HIPK2: variants seen among roughly 807,000 people sequenced by gnomAD.
The protein encoded by HIPK2 is homeodomain-interacting protein kinase 2.
HIPK2 carries 27 observed loss-of-function variants against 113.7 expected under a neutral mutation model. The observed-to-expected ratio is 0.24, with a 90% CI of 0.17 to 0.33. The LOEUF (loss-of-function observed/expected upper bound fraction) is 0.33. Among genes scored for constraint, HIPK2 ranks in the 10% least tolerant of loss-of-function variants. HIPK2 has a pLI of 1.00. For synonymous variants in HIPK2, 631 were observed against 642.2 expected, an observed-to-expected ratio of 0.98 and a Z score of 0.26; for missense variants, 1,257 against 1,588.0, an observed-to-expected ratio of 0.79 and a Z score of 3.54.
intron 10 of HIPK2, 97 bp from the exon 11 acceptor site, chr7:139,600,693 C>A: frequency 5.1e-6 from 7 of 1,371,980 alleles, no homozygotes; most frequent in Non-Finnish European, 7.0e-6. Flanking sequence ...ACGCTGACTG[C>A]AGTTGGTTAT....
At chr7:139,758,767 T>A (rs931745533) in intron 1 of HIPK2, among the ~76,000 whole-genome samples, 2 of 151,576 alleles carry the variant, frequency 1.3e-5, no homozygotes, top group Non-Finnish European at 2.9e-5. Context: ...CATGGAAAAA[T>A]TGTCTTCCAC....
intron 5 of HIPK2, among the ~76,000 whole-genome samples, chr7:139,627,298 C>CTATGTATG (rs34240424): frequency 0.1 from 15,409 of 148,412 alleles, 879 homozygotes; most frequent in African/African-American, 0.12. Flanking sequence ...ACAAAAAAGT[C>CTATGTATG]TATGTATGTA....
chr7:139,675,284 A>T (rs1454384929), intron 2 of HIPK2, among the ~76,000 whole-genome samples: 1 of 152,212 alleles, frequency 6.6e-6, no homozygotes, highest in Non-Finnish European at 1.5e-5. Flanking sequence ...CACCGAGAAC[A>T]CAAAGAGGTG....
In HIPK2 at chr7:139,571,266, GGAGA is replaced by G. The variant is rs1217918437; in HGVS notation, c.*1657_*1660del. 6.6e-6 allele frequency: 1 copy of G among 151,540 alleles called. No individual in the cohort carries two copies. The highest frequency in any genetic ancestry group is 1.5e-5 in the Non-Finnish European group (1 of 67,680). 9.4% of individuals were successfully genotyped at this position (151,540 alleles called of 1,614,324 possible). A position where few individuals can be genotyped will look rare whatever the true frequency, so the allele number is the denominator to read the frequency against. On this transcript the variant is annotated 3_prime_UTR_variant, in exon 15 of 15. Transcript: ENST00000406875. ...GAGCAAAACAGCCCAGGGAGCCGGAGGAGAGAGTGGAGCCCCGGGCGAGGCTGAG... is the reference window on the plus strand; with the variant it reads ...GAGCAAAACAGCCCAGGGAGCCGGAGGAGTGGAGCCCCGGGCGAGGCTGAG...
chr7:139,601,045 C>T, intron 10 of HIPK2, among the ~76,000 whole-genome samples: 1 of 152,100 alleles, frequency 6.6e-6, no homozygotes, highest in East Asian at 1.9e-4. Flanking sequence ...GAGTTTGAGA[C>T]CAGCCTGGGC....
intron 1 of HIPK2, among the ~76,000 whole-genome samples, chr7:139,732,436 T>C (rs1253583434): frequency 6.6e-6 from 1 of 152,226 alleles, no homozygotes; most frequent in Non-Finnish European, 1.5e-5. Context: ...TACTGGTTCT[T>C]GTAGCGGGGC....
chr7:139,740,389 G>C (rs751651081), intron 1 of HIPK2, among the ~76,000 whole-genome samples: 1 of 152,254 alleles, frequency 6.6e-6, no homozygotes, highest in Non-Finnish European at 1.5e-5. Flanking sequence ...ATGCATGCTT[G>C]CTTGCCAGAT....
At chr7:139,754,285 C>T (rs570116588) in intron 1 of HIPK2, among the ~76,000 whole-genome samples, 6 of 152,296 alleles carry the variant, frequency 3.9e-5, no homozygotes, top group South Asian at 4.1e-4. Flanking sequence ...AAATGGTAGG[C>T]GCTCAATTAA....
intron 2 of HIPK2, among the ~76,000 whole-genome samples, chr7:139,639,724 A>G (rs1800940251): frequency 6.6e-6 from 1 of 152,158 alleles, no homozygotes; most frequent in Non-Finnish European, 1.5e-5. Context: ...TCCAGCGCCT[A>G]GCACGCAGCC....
intron 1 of HIPK2, among the ~76,000 whole-genome samples, chr7:139,725,401 G>C (rs1056552439): frequency 1.3e-5 from 2 of 152,216 alleles, no homozygotes; most frequent in African/African-American, 4.8e-5. Flanking sequence ...CATGGCGGGA[G>C]CGGCCAGCAC....
chr7:139,565,946 GAA>G lies in HIPK2; in HGVS notation c.*6979_*6980del, dbSNP rs960194085. ...CCTTTCTAGAATTAACTATAAGCAA[GAA>G]AAACTTATTTTTTAAAGAAGAAAAG... On this transcript the variant is annotated 3_prime_UTR_variant, in exon 15 of 15. Coordinates refer to ENST00000406875, the MANE Select transcript of HIPK2 (RefSeq NM_022740.5). 6 of 151,960 alleles carry G rather than the reference GAA, an allele frequency of 3.9e-5. No individual in the cohort carries two copies. The highest frequency in any genetic ancestry group is 1.5e-4 in the African/African-American group (6 of 41,360). The allele number at this position is 151,960 out of a possible 1,614,324, so 9.4% of individuals were successfully genotyped here.
At chr7:139,662,617 CTTTTTTT>C (rs373566905) in intron 2 of HIPK2, among the ~76,000 whole-genome samples, 2 of 133,656 alleles carry the variant, frequency 1.5e-5, no homozygotes, top group Admixed American at 7.7e-5. Context: ...TAAAACACCA[CTTTTTTT>C]TTTTTTTTTT....
intron 1 of HIPK2, among the ~76,000 whole-genome samples, chr7:139,764,575 G>A (rs1796522229): frequency 6.6e-6 from 1 of 152,212 alleles, no homozygotes. Flanking sequence ...TGTTTCCTTT[G>A]AATGTGTTAA....
rs1293191453 is a variant in HIPK2, at chr7:139,633,647, T to TAAA, written c.1104-1925_1104-1923dup. Among the ~76,000 whole-genome samples the TAAA allele has an allele frequency of 2.3e-5, 3 of 130,868 alleles. No individual in the cohort carries two copies. The East Asian group carries it at 6.7e-4, about 29-fold the overall frequency. The allele number at this position is 130,868 out of a possible 152,430, so 85.9% of individuals were successfully genotyped here. A position where few individuals can be genotyped will look rare whatever the true frequency, so the allele number is the denominator to read the frequency against. ...GGCAACAGAGTGAGACCCTGTTTCT[T>TAAA]AAAAAAAAAAAAAGGGGTTAGGCGC... On this transcript the variant is annotated intron_variant, in intron 2 of 14. Coordinates refer to ENST00000406875, the MANE Select transcript of HIPK2 (RefSeq NM_022740.5).
intron 2 of HIPK2, among the ~76,000 whole-genome samples, chr7:139,642,589 T>C (rs1410377911): frequency 6.6e-6 from 1 of 152,210 alleles, no homozygotes; most frequent in Admixed American, 6.5e-5. Flanking sequence ...AGTGGAGATG[T>C]AGATGGCCAT....
At position 139,611,543 on chromosome 7, in the gene HIPK2, A is replaced by AT. The variant is rs954270320; in HGVS notation, c.2112+1658dup. Among the ~76,000 whole-genome samples the AT allele has an allele frequency of 4.7e-3, 701 of 149,040 alleles. 6 individuals are homozygous for AT. Among genetic ancestry groups the AT allele is most frequent in the African/African-American group, 0.015 (597 of 40,862 alleles). ...TAAACATGATAAAGTGTTTCTATTA[A>AT]TTTTTTTTTTTCTTTACAGACAGGG... On this transcript the variant is annotated intron_variant, in intron 9 of 14. Transcript: ENST00000406875.
At position 139,599,570 on chromosome 7, in the gene HIPK2, T is replaced by A. The variant is rs536270338; in HGVS notation, c.2435+847A>T. On this transcript the variant is annotated intron_variant, in intron 11 of 14. Coordinates refer to ENST00000406875, the MANE Select transcript of HIPK2 (RefSeq NM_022740.5). ...TTAAAGGGAATGGGAAAGATTTGTG[T>A]TCTGCTGGTTAGTGTCTGGGATTAA... is the stretch of plus-strand genomic sequence containing the variant. 4.5e-4 allele frequency among the ~76,000 whole-genome samples: 69 copies of A among 152,356 alleles called. 1 individual carries two copies. Among genetic ancestry groups the A allele is most frequent in the African/African-American group, 1.3e-3 (56 of 41,578 alleles).
At chr7:139,697,109 C>T (rs1333136476) in intron 2 of HIPK2, among the ~76,000 whole-genome samples, 3 of 152,158 alleles carry the variant, frequency 2.0e-5, no homozygotes, top group African/African-American at 7.2e-5. Context: ...GCCTCCTCCC[C>T]GACCCCCTGC....
At chr7:139,620,820 A>G (rs1376895231) in intron 6 of HIPK2, among the ~76,000 whole-genome samples, 1 of 152,222 alleles carries the variant, frequency 6.6e-6, no homozygotes, top group East Asian at 1.9e-4. Flanking sequence ...ATATATCACA[A>G]CAAAACTGAC....
Sources: gnomAD v4.1 joint callset for allele counts (sites outside exome capture counted in the v4.1 genomes callset) on GRCh38, gnomAD v4.1.1 for gene constraint, MANE v1.5 for transcripts, NCBI Gene and HGNC (gene_info 2026-07-23, HGNC 2026-07-21) for gene names.